Variants in RBKS observed in about 807,000 individuals in gnomAD.
The protein encoded by RBKS is ribokinase.
Under a neutral mutation model 33.9 loss-of-function variants are expected in RBKS, and 33 were observed. The observed-to-expected ratio is 0.97, with a 90% CI of 0.74 to 1.30. The LOEUF is 1.30. Among genes scored for constraint, RBKS ranks in the 50% most tolerant of loss-of-function variants. The pLI is 0.00. For missense variants in RBKS, 361 were observed against 392.6 expected, an observed-to-expected ratio of 0.92 and a Z score of 0.68; for synonymous variants, 125 against 143.0, an observed-to-expected ratio of 0.87 and a Z score of 0.90.
At chr2:27,794,781 G>A (rs917254327) in intron 7 of RBKS, among the ~76,000 whole-genome samples, 9 of 151,858 alleles carry the variant, frequency 5.9e-5, no homozygotes, top group Admixed American at 2.0e-4. Flanking sequence ...GTGTCACCAC[G>A]CCCGGCTAAT....
At chr2:27,808,732 G>A (rs1035522990) in intron 7 of RBKS, among the ~76,000 whole-genome samples, 2 of 152,216 alleles carry the variant, frequency 1.3e-5, no homozygotes, top group African/African-American at 4.8e-5. Flanking sequence ...GGAGCATTTT[G>A]ACGAAGGTGT....
At chr2:27,817,148 GTTA>G (rs1678110676) in intron 7 of RBKS, among the ~76,000 whole-genome samples, 1 of 152,194 alleles carries the variant, frequency 6.6e-6, no homozygotes, top group Admixed American at 6.5e-5. Flanking sequence ...CAGAGGGCCT[GTTA>G]TTATATGCCA....
chr2:27,831,148 A>G (rs1312998400), intron 6 of RBKS, among the ~76,000 whole-genome samples: 1 of 151,232 alleles, frequency 6.6e-6, no homozygotes, highest in Non-Finnish European at 1.5e-5. Context: ...AATTCCTGAC[A>G]TGCAAAAACT....
At chr2:27,831,243 AC>A (rs1678409297) in intron 6 of RBKS, among the ~76,000 whole-genome samples, 1 of 136,556 alleles carries the variant, frequency 7.3e-6, no homozygotes, top group Non-Finnish European at 1.5e-5. Context: ...AACTATATAC[AC>A]AGGGATAGCC....
chr2:27,841,254 T>C (rs1164310345), intron 5 of RBKS, among the ~76,000 whole-genome samples: 6 of 152,070 alleles, frequency 3.9e-5, no homozygotes, highest in African/African-American at 1.4e-4. Flanking sequence ...CTGCTGTATC[T>C]TTCTCTCCTT....
intron 7 of RBKS, among the ~76,000 whole-genome samples, chr2:27,791,696 T>G (rs1677530475): frequency 6.6e-6 from 1 of 150,552 alleles, no homozygotes; most frequent in South Asian, 2.1e-4. Context: ...TACATATACA[T>G]ATACGTATAC....
chr2:27,792,610 A>G (rs1677557966), intron 7 of RBKS, among the ~76,000 whole-genome samples: 1 of 152,036 alleles, frequency 6.6e-6, no homozygotes, highest in African/African-American at 2.4e-5. Flanking sequence ...TCGTTTCTTC[A>G]TTTATTTTTC....
At chr2:27,787,902 T>A (rs1299418477) in intron 7 of RBKS, among the ~76,000 whole-genome samples, 1 of 150,590 alleles carries the variant, frequency 6.6e-6, no homozygotes, top group Admixed American at 6.6e-5. Flanking sequence ...TGATAATGCA[T>A]CATGACCAAG....
intron 2 of RBKS, among the ~76,000 whole-genome samples, chr2:27,849,726 TTTGGTAAC>T (rs1204018081): frequency 1.3e-5 from 2 of 152,134 alleles, no homozygotes; most frequent in African/African-American, 4.8e-5. Flanking sequence ...TGTGGTCCAC[TTTGGTAAC>T]TGGATCTCCC....
intron 1 of RBKS, among the ~76,000 whole-genome samples, chr2:27,885,882 T>TG (rs1317482976): frequency 6.6e-6 from 1 of 152,174 alleles, no homozygotes; most frequent in Non-Finnish European, 1.5e-5. Flanking sequence ...ATTAAAAAAA[T>TG]GGGTGATACA....
At chr2:27,799,965 A>G (rs951207245) in intron 7 of RBKS, among the ~76,000 whole-genome samples, 1 of 151,966 alleles carries the variant, frequency 6.6e-6, no homozygotes, top group Non-Finnish European at 1.5e-5. Flanking sequence ...TTGTCCTCCA[A>G]GGGTTAATCA....
At chr2:27,883,200 C>CTT (rs906350551) in intron 1 of RBKS, among the ~76,000 whole-genome samples, 8 of 140,416 alleles carry the variant, frequency 5.7e-5, no homozygotes, top group Admixed American at 1.4e-4. Flanking sequence ...CTGCAGTATT[C>CTT]TTTTTTTTTT....
At chr2:27,851,713 A>G (rs975248892) in intron 2 of RBKS, among the ~76,000 whole-genome samples, 11 of 151,520 alleles carry the variant, frequency 7.3e-5, no homozygotes, top group African/African-American at 2.7e-4. Flanking sequence ...TAATTTTTGT[A>G]CTTTTAGTAG....
chr2:27,887,682 A>G (rs529008006), intron 1 of RBKS, among the ~76,000 whole-genome samples: 1 of 132,358 alleles, frequency 7.6e-6, no homozygotes, highest in East Asian at 2.1e-4. Flanking sequence ...TGATTTTACT[A>G]ATGATTTTGC....
At chr2:27,826,207 C>T (rs542754356) in intron 7 of RBKS, among the ~76,000 whole-genome samples, 3 of 152,316 alleles carry the variant, frequency 2.0e-5, no homozygotes, top group African/African-American at 7.2e-5. Flanking sequence ...AGTATATTCA[C>T]ATCCAAAACT....
chr2:27,788,340 C>T (rs1677443907), intron 7 of RBKS, among the ~76,000 whole-genome samples: 1 of 152,102 alleles, frequency 6.6e-6, no homozygotes, highest in African/African-American at 2.4e-5. Context: ...GTAGAAAATC[C>T]TAAGAAGTCC....
intron 1 of RBKS, among the ~76,000 whole-genome samples, chr2:27,879,494 C>T (rs984096860): frequency 1.3e-5 from 2 of 151,964 alleles, no homozygotes; most frequent in Admixed American, 1.3e-4. Flanking sequence ...CAAGTTTAGC[C>T]CCCTTTTACC....
intron 7 of RBKS, among the ~76,000 whole-genome samples, chr2:27,824,280 A>C (rs778455271): frequency 6.6e-6 from 1 of 152,234 alleles, no homozygotes; most frequent in Non-Finnish European, 1.5e-5. Context: ...CAGTGCATTT[A>C]GTATTGTCAC....
chr2:27,785,901 A>G (rs1677388992), intron 7 of RBKS, among the ~76,000 whole-genome samples: 1 of 152,232 alleles, frequency 6.6e-6, no homozygotes, highest in Non-Finnish European at 1.5e-5. Flanking sequence ...TTGCTGCATT[A>G]TTTTCAAAGG....
Sources: allele counts gnomAD v4.1 joint callset (sites outside exome capture counted in the v4.1 genomes callset), GRCh38; gene constraint gnomAD v4.1.1; transcripts MANE v1.5; gene names NCBI Gene and HGNC (gene_info 2026-07-23, HGNC 2026-07-21).